NTS: variants seen among roughly 807,000 people sequenced by gnomAD.
NTS encodes neurotensin, also known as neurotensin/neuromedin N.
Under a neutral mutation model 19.5 loss-of-function variants are expected in NTS, and 20 were observed. The ratio of observed to expected loss-of-function variants is 1.02; its 90% CI spans 0.72 to 1.49. The LOEUF is 1.49. Among genes scored for constraint, NTS ranks in the 40% most tolerant of loss-of-function variants. The probability of loss-of-function intolerance (pLI) is 0.00; values close to 1 mark genes in which losing one functional copy is unlikely to be tolerated. For synonymous variants in NTS, 71 were observed against 63.3 expected (o/e 1.12, Z -0.58); for missense variants, 215 against 193.1 (o/e 1.11, Z -0.67).
chr12:85,878,637 T>C, intron 3 of NTS, 68 bp downstream of exon 3: 1 of 897,722 alleles, frequency 1.1e-6, no homozygotes. Flanking sequence ...TATTAATTTC[T>C]TAAATTCCCA....
chr12:85,874,634 T>A (rs1025823732), intron 1 of NTS, among the ~76,000 whole-genome samples, 158 bp downstream of exon 1: 1 of 152,200 alleles, frequency 6.6e-6, no homozygotes, highest in African/African-American at 2.4e-5. Flanking sequence ...TTTCTCTGCC[T>A]TTATGATTAC....
chr12:85,882,189 T>C, intron 3 of NTS, 34 bp from the exon 4 acceptor site: 2 of 1,504,434 alleles, frequency 1.3e-6, no homozygotes, highest in East Asian at 2.3e-5. Flanking sequence ...AGTTTATTCA[T>C]GTAAGTTTCA....
At chr12:85,877,871 A>G (rs1334959686) in intron 2 of NTS, among the ~76,000 whole-genome samples, 1 of 152,182 alleles carries the variant, frequency 6.6e-6, no homozygotes, top group Non-Finnish European at 1.5e-5. Flanking sequence ...AAGGTTCTAT[A>G]TAATCTGTGA....
chr12:85,878,539 C>T lies in NTS; in HGVS notation c.330C>T (p.Ile110=). ...TGACAATATACCAGCTCCACAAAAT[C>T]TGTCACAGCAGGGCTTTTCAACACT... ...AMLTIYQLHK[I]CHSRAFQHWE... Residue 110 remains isoleucine (I), a synonymous_variant, in exon 3 of 4, where the codon ATC becomes ATT. Transcript: ENST00000256010. 1.2e-6 allele frequency: 2 copies of T among 1,612,834 alleles called. 1 individual carries two copies. Among genetic ancestry groups the T allele is most frequent in the South Asian group, 2.2e-5 (2 of 90,866 alleles).
chr12:85,878,539 C>G lies in NTS; in HGVS notation c.330C>G (p.Ile110Met). The change falls in exon 3 of 4, where the codon ATC (isoleucine) becomes ATG (methionine). Residue 110 changes from isoleucine to methionine, a missense_variant. Coordinates refer to ENST00000256010, the MANE Select transcript of NTS (RefSeq NM_006183.5). The part of the protein sequence containing the change: ...AMLTIYQLHK[I>M]CHSRAFQHWE... Reference sequence around the variant, plus strand: ...TGACAATATACCAGCTCCACAAAATCTGTCACAGCAGGGCTTTTCAACACT... The same window carrying G: ...TGACAATATACCAGCTCCACAAAATGTGTCACAGCAGGGCTTTTCAACACT... 6.2e-7 allele frequency: 1 copy of G among 1,612,834 alleles called. No individual in the cohort carries two copies. Among genetic ancestry groups the G allele is most frequent in the Non-Finnish European group, 8.5e-7 (1 of 1,179,272 alleles).
intron 2 of NTS, among the ~76,000 whole-genome samples, chr12:85,877,285 G>A (rs12313658): frequency 0.37 from 55,910 of 151,578 alleles, 11,088 homozygotes; most frequent in African/African-American, 0.48. Flanking sequence ...ATTGCAGTTC[G>A]TAATCTTCTA....
At chr12:85,875,599 A>T (rs1881323802) in intron 1 of NTS, among the ~76,000 whole-genome samples, 1 of 152,050 alleles carries the variant, frequency 6.6e-6, no homozygotes, top group Non-Finnish European at 1.5e-5. Context: ...TTATGATTTT[A>T]TCTGAAAGTT....
At chr12:85,880,011 AATATATCCCTATTATTCC>A (rs2136593586) in intron 3 of NTS, among the ~76,000 whole-genome samples, 1 of 150,142 alleles carries the variant, frequency 6.7e-6, no homozygotes, top group East Asian at 1.9e-4. Flanking sequence ...GCACCAACCT[AATATATCCCTATTATTCC>A]AGTTTTATCT....
At chr12:85,879,685 TA>T (rs1881453951) in intron 3 of NTS, among the ~76,000 whole-genome samples, 1 of 135,172 alleles carries the variant, frequency 7.4e-6, no homozygotes, top group South Asian at 2.2e-4. Flanking sequence ...ATATAAAATA[TA>T]TTTTTTGTAT....
In NTS at chr12:85,878,255, C is replaced by T. The variant is rs1881390584; in HGVS notation, c.136-90C>T. 5.1e-5 allele frequency: 46 copies of T among 893,312 alleles called. 2 individuals carry two copies. The South Asian group carries it at 8.0e-4, about 16-fold the overall frequency. 55.3% of individuals were successfully genotyped at this position (893,312 alleles called of 1,614,324 possible). A position where few individuals can be genotyped will look rare whatever the true frequency, so the allele number is the denominator to read the frequency against. ...TATTAGACTGGAGTAGCAATTAGAC[C>T]CTAAATGTGATGGTTTAGCACACTA... On this transcript the variant is annotated intron_variant, in intron 2 of 3. Coordinates refer to ENST00000256010, the MANE Select transcript of NTS (RefSeq NM_006183.5).
chr12:85,878,133 G>T (rs371344602), intron 2 of NTS: 1 of 424,068 alleles, frequency 2.4e-6, no homozygotes, highest in East Asian at 3.6e-5. Context: ...GCATGTATAT[G>T]TGAATATAAC....
In NTS at chr12:85,874,434, T is replaced by G; in HGVS notation, c.31T>G (p.Cys11Gly). 1 of 1,613,640 alleles carries G rather than the reference T, an allele frequency of 6.2e-7. No individual in the cohort carries two copies. Among genetic ancestry groups the G allele is most frequent in the Middle Eastern group, 1.6e-4 (1 of 6,062 alleles). Residue 11 changes from cysteine to glycine, a missense_variant, in exon 1 of 4, where the codon TGC becomes GGC. Physicochemically the swap from Cys to Gly is radical, Grantham distance 159. Transcript: ENST00000256010. ...GGCAGGAATGAAAATCCAGCTTGTA[T>G]GCATGCTACTCCTGGCTTTCAGCTC... MMAGMKIQLV[C>G]MLLLAFSSWS...
chr12:85,880,394 C>T (rs1881475936), intron 3 of NTS, among the ~76,000 whole-genome samples: 1 of 152,056 alleles, frequency 6.6e-6, no homozygotes. Context: ...TTCAAATTAA[C>T]CTCTAAGAGA....
Position 85,882,244 on chromosome 12 carries a change from G to T in NTS, c.382G>T (p.Asp128Tyr). The change falls in exon 4 of 4, where the codon GAT (aspartate) becomes TAT (tyrosine). Residue 128 changes from aspartate to tyrosine, a missense_variant. Transcript: ENST00000256010. Reference sequence around the variant, plus strand: ...GCAGTTAATCCAGGAAGATATTCTTGATACTGGAAATGACAAAAATGGAAA... The same window carrying T: ...GCAGTTAATCCAGGAAGATATTCTTTATACTGGAAATGACAAAAATGGAAA... ...HWELIQEDILDTGNDKNGKEE... is the reference protein window; with the variant it reads ...HWELIQEDILYTGNDKNGKEE... 1 of 1,599,328 alleles carries T rather than the reference G, an allele frequency of 6.3e-7. No individual in the cohort carries two copies.
chr12:85,878,318 T>A (rs533444793), intron 2 of NTS, 27 bp from the exon 3 acceptor site: 1 of 1,503,600 alleles, frequency 6.7e-7, no homozygotes, highest in African/African-American at 1.4e-5. Context: ...AAGTTTTAAT[T>A]GCAGGGGTTT....
chr12:85,879,032 ATATTTTTATGTACAT>A (rs1881412755), intron 3 of NTS, among the ~76,000 whole-genome samples: 2 of 141,558 alleles, frequency 1.4e-5, no homozygotes, highest in Non-Finnish European at 3.2e-5. Flanking sequence ...AAATAAAAAT[ATATTTTTATGTACAT>A]AAAATATATT....
At chr12:85,877,383 A>G (rs1317366585) in intron 2 of NTS, among the ~76,000 whole-genome samples, 1 of 149,710 alleles carries the variant, frequency 6.7e-6, no homozygotes, top group African/African-American at 2.5e-5. Context: ...TATAACAAAC[A>G]TGTTATTTTT....
Position 85,874,431 on chromosome 12 carries a change from G to A in NTS, c.28G>A (p.Val10Ile). MMAGMKIQL[V>I]CMLLLAFSSW... ...GATGGCAGGAATGAAAATCCAGCTT[G>A]TATGCATGCTACTCCTGGCTTTCAG... Residue 10 changes from valine to isoleucine, a missense_variant, in exon 1 of 4, where the codon GTA becomes ATA. By Grantham distance (29) the Val-to-Ile change is conservative. Transcript: ENST00000256010. 6.2e-7 allele frequency: 1 copy of A among 1,613,602 alleles called. No individual in the cohort carries two copies.
intron 1 of NTS, among the ~76,000 whole-genome samples, chr12:85,876,085 A>G (rs1881335701): frequency 7.0e-6 from 1 of 142,826 alleles, no homozygotes; most frequent in African/African-American, 2.7e-5. Flanking sequence ...AGGATACATA[A>G]TTTTGAATTC....
Sources: allele counts gnomAD v4.1 joint callset (sites outside exome capture counted in the v4.1 genomes callset), GRCh38; gene constraint gnomAD v4.1.1; transcripts MANE v1.5; gene names NCBI Gene and HGNC (gene_info 2026-07-23, HGNC 2026-07-21).